RAD51B: variants seen among roughly 807,000 people sequenced by gnomAD.
RAD51B encodes DNA repair protein RAD51 homolog 2.
RAD51B carries 38 observed loss-of-function variants against 42.2 expected under a neutral mutation model. That is an observed-to-expected ratio of 0.90 (90% CI 0.70 to 1.18). RAD51B has a LOEUF of 1.18. Among genes scored for constraint, RAD51B ranks in the 50% most tolerant of loss-of-function variants. RAD51B has a pLI of 0.00. For synonymous variants in RAD51B, 154 were observed against 145.2 expected (o/e 1.06, Z -0.43); for missense variants, 373 against 400.7 (o/e 0.93, Z 0.59).
chr14:68,643,244 A>G (rs761684382), intron 10 of RAD51B, among the ~76,000 whole-genome samples: 9 of 152,318 alleles, frequency 5.9e-5, no homozygotes, highest in Non-Finnish European at 1.2e-4. Flanking sequence ...GCTGAACCCT[A>G]AATCATTATG....
chr14:68,176,984 A>G (rs2078974010), intron 7 of RAD51B, among the ~76,000 whole-genome samples: 2 of 152,130 alleles, frequency 1.3e-5, no homozygotes, highest in Non-Finnish European at 2.9e-5. Flanking sequence ...TAATATTGTC[A>G]TCAAATTTGC....
At chr14:68,250,975 G>A (rs1443136553) in intron 7 of RAD51B, among the ~76,000 whole-genome samples, 1 of 152,180 alleles carries the variant, frequency 6.6e-6, no homozygotes, top group South Asian at 2.1e-4. Context: ...ATGTCCTTCA[G>A]TGTCAGTTTA....
At chr14:68,584,112 G>A (rs577812493) in intron 10 of RAD51B, among the ~76,000 whole-genome samples, 4 of 152,178 alleles carry the variant, frequency 2.6e-5, no homozygotes, top group East Asian at 1.9e-4. Flanking sequence ...CCAACACCTC[G>A]TGCCTCAGGG....
At chr14:68,305,404 A>C (rs1351370142) in intron 8 of RAD51B, among the ~76,000 whole-genome samples, 1 of 152,240 alleles carries the variant, frequency 6.6e-6, no homozygotes, top group Non-Finnish European at 1.5e-5. Context: ...ATCTGGTTGG[A>C]ACCCTAGAAT....
At chr14:68,347,185 T>C (rs1010460884) in intron 8 of RAD51B, among the ~76,000 whole-genome samples, 2 of 152,226 alleles carry the variant, frequency 1.3e-5, no homozygotes, top group African/African-American at 4.8e-5. Flanking sequence ...CCTTCTGCTG[T>C]CTCTAATATC....
At chr14:68,051,062 A>G (rs2076385153) in intron 7 of RAD51B, among the ~76,000 whole-genome samples, 2 of 151,932 alleles carry the variant, frequency 1.3e-5, no homozygotes, top group Admixed American at 6.6e-5. Context: ...TAAAAAATAA[A>G]GAATAATTGT....
chr14:67,979,435 G>A (rs1015541313), intron 7 of RAD51B, among the ~76,000 whole-genome samples: 5 of 151,978 alleles, frequency 3.3e-5, no homozygotes, highest in East Asian at 3.9e-4. Flanking sequence ...CCCCTAATGC[G>A]TGGCTTATAG....
chr14:68,320,105 T>C (rs931495608), intron 8 of RAD51B, among the ~76,000 whole-genome samples: 7 of 152,266 alleles, frequency 4.6e-5, no homozygotes, highest in Non-Finnish European at 7.4e-5. Flanking sequence ...ACTTTTCCTC[T>C]CCCTCCCCAA....
At chr14:68,592,159 C>T (rs1321754261) in intron 10 of RAD51B, among the ~76,000 whole-genome samples, 1 of 152,066 alleles carries the variant, frequency 6.6e-6, no homozygotes, top group Non-Finnish European at 1.5e-5. Flanking sequence ...TAAACCCCCT[C>T]CCCCGCAGCT....
At chr14:68,227,120 A>G (rs2080053744) in intron 7 of RAD51B, among the ~76,000 whole-genome samples, 1 of 152,168 alleles carries the variant, frequency 6.6e-6, no homozygotes, top group African/African-American at 2.4e-5. Context: ...TCCTCGTCAC[A>G]AGTGTGTGGC....
chr14:68,140,962 A>T (rs758368052), intron 7 of RAD51B, among the ~76,000 whole-genome samples: 2 of 152,238 alleles, frequency 1.3e-5, no homozygotes, highest in Non-Finnish European at 2.9e-5. Flanking sequence ...TGTCAAGGTG[A>T]CCATATAATT....
intron 7 of RAD51B, among the ~76,000 whole-genome samples, chr14:67,890,319 C>G (rs2043179920): frequency 6.6e-6 from 1 of 151,520 alleles, no homozygotes; most frequent in South Asian, 2.1e-4. Flanking sequence ...CTCCAGGACA[C>G]TCAACATAGG....
intron 8 of RAD51B, among the ~76,000 whole-genome samples, chr14:68,360,116 G>A (rs1307450805): frequency 6.6e-6 from 1 of 152,116 alleles, no homozygotes; most frequent in Non-Finnish European, 1.5e-5. Context: ...GTAGAGGCGG[G>A]GAGACCATGT....
intron 5 of RAD51B, among the ~76,000 whole-genome samples, chr14:67,883,225 G>T (rs981187969): frequency 6.7e-6 from 1 of 149,934 alleles, no homozygotes; most frequent in Non-Finnish European, 1.5e-5. Flanking sequence ...CCATTGGGCA[G>T]TTAGAGCAGT....
chr14:68,326,228 C>T (rs1383209754), intron 8 of RAD51B, among the ~76,000 whole-genome samples: 3 of 151,674 alleles, frequency 2.0e-5, no homozygotes, highest in African/African-American at 4.8e-5. Flanking sequence ...TTAATAGAGA[C>T]GGAGTTTCTC....
intron 11 of RAD51B, among the ~76,000 whole-genome samples, chr14:68,655,126 GGTGA>G (rs1219156603): frequency 8.3e-6 from 1 of 121,004 alleles, no homozygotes; most frequent in Non-Finnish European, 1.8e-5. Flanking sequence ...GGAGGCAAAT[GGTGA>G]GTGTGTGTGT....
In RAD51B at chr14:68,053,114, G is replaced by C. The variant is rs116903021; in HGVS notation, c.756+165910G>C. Among the ~76,000 whole-genome samples, 920 of 152,260 alleles carry C rather than the reference G, an allele frequency of 6.0e-3. 7 individuals are homozygous for C. The highest frequency in any genetic ancestry group is 0.017 in the Middle Eastern group (5 of 294). ...ATTGGAAAGAATATTTATTTATCTT[G>C]ATGTTTAATCGAGCTGTGGGCTCTG... On this transcript the variant is annotated intron_variant, in intron 7 of 10. Coordinates refer to ENST00000471583, the MANE Select transcript of RAD51B (RefSeq NM_133510.4).
intron 7 of RAD51B, among the ~76,000 whole-genome samples, chr14:68,229,750 C>G (rs1264681669): frequency 6.6e-6 from 1 of 152,124 alleles, no homozygotes; most frequent in African/African-American, 2.4e-5. Flanking sequence ...GGACATGGCC[C>G]TGAAAACTAT....
chr14:67,891,525 G>A (rs1170969044), intron 7 of RAD51B, among the ~76,000 whole-genome samples: 1 of 151,996 alleles, frequency 6.6e-6, no homozygotes, highest in Non-Finnish European at 1.5e-5. Context: ...ATTAACAAAT[G>A]GAAAGAATTT....
Sources: gnomAD v4.1 joint callset for allele counts (sites outside exome capture counted in the v4.1 genomes callset) on GRCh38, gnomAD v4.1.1 for gene constraint, MANE v1.5 for transcripts, NCBI Gene and HGNC (gene_info 2026-07-23, HGNC 2026-07-21) for gene names.